C5orf34: variants seen among roughly 807,000 people sequenced by gnomAD.
C5orf34 encodes the protein chromosome 5 open reading frame 34, also known as uncharacterized protein C5orf34.
In C5orf34, 73 loss-of-function variants were observed where a neutral mutation model predicts 78.4. That is an observed-to-expected ratio of 0.93 (90% CI 0.77 to 1.13). The LOEUF is 1.13. Ranked by LOEUF, C5orf34 falls within the 50% of genes most tolerant of loss-of-function variation. The probability of loss-of-function intolerance (pLI) is 0.00; values close to 1 mark genes in which losing one functional copy is unlikely to be tolerated. For synonymous variants in C5orf34, 251 were observed against 246.6 expected (o/e 1.02, Z -0.17); for missense variants, 730 against 732.7 (o/e 1.00, Z 0.04).
At position 43,486,723 on chromosome 5, in the gene C5orf34, TTTA is replaced by T. The variant is rs1436617015; in HGVS notation, c.*189_*191del. The stretch of plus-strand genomic sequence containing the variant: ...GTGAAACGTTCAAAACTTCGAAATA[TTTA>T]TTATTAAGATATAAATACATATTTT... On this transcript the variant is annotated 3_prime_UTR_variant, in exon 13 of 13. Transcript: ENST00000306862. The T allele has an allele frequency of 3.0e-5, 10 of 337,696 alleles. 1 individual carries two copies. The highest frequency in any genetic ancestry group is 4.7e-5 in the East Asian group (1 of 21,362). 20.9% of individuals were successfully genotyped at this position (337,696 alleles called of 1,614,324 possible).
chr5:43,489,100 CT>C (rs35229643), intron 11 of C5orf34, among the ~76,000 whole-genome samples: 191 of 147,798 alleles, frequency 1.3e-3, no homozygotes, highest in African/African-American at 1.8e-3. Flanking sequence ...TGCAAAATAT[CT>C]TTTTTTTTTT....
chr5:43,496,209 G>C, intron 6 of C5orf34: 2 of 1,561,778 alleles, frequency 1.3e-6, no homozygotes, highest in African/African-American at 1.3e-5. Context: ...AGTACTTGCT[G>C]GTCTCAAATT....
At chr5:43,510,531 A>C (rs2112335580) in intron 1 of C5orf34, among the ~76,000 whole-genome samples, 1 of 152,316 alleles carries the variant, frequency 6.6e-6, no homozygotes, top group African/African-American at 2.4e-5. Flanking sequence ...GGCTCACTGC[A>C]ACCTCCCTGT....
chr5:43,492,291 A>G lies in C5orf34; in HGVS notation c.1504T>C (p.Leu502=). 1 of 1,607,256 alleles carries G rather than the reference A, an allele frequency of 6.2e-7. No homozygotes were observed. The highest frequency in any genetic ancestry group is 8.5e-7 in the Non-Finnish European group (1 of 1,176,312). ...GGAAAAGTTAACTTACACCAACCTA[A>G]GTTAAGACCTTGATTTACCTGAAGA... ...EKRQVNQGLN[L]GWCKLTFPDG... The change falls in exon 10 of 13, where the codon TTA becomes CTA. Residue 502 remains leucine (L), a synonymous_variant. Transcript: ENST00000306862.
intron 6 of C5orf34, among the ~76,000 whole-genome samples, chr5:43,501,293 A>G (rs1189854663): frequency 6.6e-6 from 1 of 152,192 alleles, no homozygotes; most frequent in Non-Finnish European, 1.5e-5. Flanking sequence ...ATATATACGT[A>G]TACATGTTAC....
chr5:43,508,598 G>A lies in C5orf34; in HGVS notation c.264C>T (p.Ile88=). 6.2e-7 allele frequency: 1 copy of A among 1,606,578 alleles called. No homozygotes were observed. The highest frequency in any genetic ancestry group is 8.5e-7 in the Non-Finnish European group (1 of 1,173,714). ...TCACCTTTTTTCTTTCAGAAGGTAT[G>A]ATGGTTTCAGATAAAAAAGGGCAAG... ...SATCPFLSET[I]IPSERKKHIF... Residue 88 remains isoleucine, a synonymous_variant, in exon 3 of 13, where the codon ATC becomes ATT. Coordinates refer to ENST00000306862, the MANE Select transcript of C5orf34 (RefSeq NM_198566.4).
chr5:43,513,090 CTT>C (rs545466937), intron 1 of C5orf34, among the ~76,000 whole-genome samples: 1 of 152,052 alleles, frequency 6.6e-6, no homozygotes, highest in African/African-American at 2.4e-5. Flanking sequence ...CCCACCTTGT[CTT>C]TTTTTAACCT....
At chr5:43,502,555 AG>A in intron 5 of C5orf34, 60 bp from the exon 6 acceptor site, 1 of 978,466 alleles carries the variant, frequency 1.0e-6, no homozygotes, top group South Asian at 1.4e-5. Flanking sequence ...ACATGCATGA[AG>A]ATAGTCATCA....
At chr5:43,500,089 T>C (rs1353010051) in intron 6 of C5orf34, among the ~76,000 whole-genome samples, 1 of 152,170 alleles carries the variant, frequency 6.6e-6, no homozygotes, top group Non-Finnish European at 1.5e-5. Context: ...AAAGCACCAC[T>C]TTTCCCACAC....
At position 43,509,310 on chromosome 5, in the gene C5orf34, A is replaced by T; in HGVS notation, c.30T>A (p.Tyr10Ter). The T allele has an allele frequency of 6.2e-7, 1 of 1,612,840 alleles. No homozygotes were observed. Among genetic ancestry groups the T allele is most frequent in the Non-Finnish European group, 8.5e-7 (1 of 1,179,438 alleles). MAAELRMIL[Y>*]EDDSVQVQYV... ...ATTGTACTTGTACTGAATCATCTTC[A>T]TAAAGTATCATTCGCAGTTCAGCTG... Residue 10 changes from tyrosine (Y) to a stop codon, truncating the protein, a stop_gained, in exon 2 of 13, where the codon TAT (tyrosine) becomes TAA (stop). Coordinates refer to ENST00000306862, the MANE Select transcript of C5orf34 (RefSeq NM_198566.4). LOFTEE classifies it high-confidence loss of function.
rs1314176840 is a variant in C5orf34 at position 43,495,809 on chromosome 5, G to T, written c.1153-1208C>A. On this transcript the variant is annotated intron_variant, in intron 6 of 12. Transcript: ENST00000306862. ...GCCGCTGGCACTGCCATCCTTACGG[G>T]TGGCTTTCCATCCCTTGAGCCAAGG... The T allele has an allele frequency of 5.1e-6, 8 of 1,569,846 alleles. No homozygotes were observed. The East Asian group carries it at 1.3e-4, about 26-fold the overall frequency.
Position 43,494,525 on chromosome 5 carries a change from A to G in C5orf34, c.1229T>C (p.Ile410Thr), listed in dbSNP as rs1373727588. Residue 410 changes from isoleucine to threonine, a missense_variant, in exon 7 of 13, where the codon ATT becomes ACT. Transcript: ENST00000306862. ...PGSPFTVGSL[I>T]KQATRILQHC... is the part of the protein sequence containing the mutation. ...AAGAACTTACCTTGTTGCCTGTTTAATTAGAGAACCGACAGTGAATGGACT... is the reference window on the plus strand; with the variant it reads ...AAGAACTTACCTTGTTGCCTGTTTAGTTAGAGAACCGACAGTGAATGGACT... The G allele has an allele frequency of 6.2e-7, 1 of 1,604,766 alleles. No homozygotes were observed. Among genetic ancestry groups the G allele is most frequent in the Non-Finnish European group, 8.5e-7 (1 of 1,173,718 alleles).
chr5:43,501,211 T>A (rs1330473929), intron 6 of C5orf34, among the ~76,000 whole-genome samples: 1 of 151,850 alleles, frequency 6.6e-6, no homozygotes, highest in Non-Finnish European at 1.5e-5. Context: ...GTCAGCAATA[T>A]GACTATGCAT....
At chr5:43,490,903 A>G (rs79565019) in intron 10 of C5orf34, among the ~76,000 whole-genome samples, 174 bp from the exon 11 acceptor site, 9,367 of 152,196 alleles carry the variant, frequency 0.062, 452 homozygotes, top group African/African-American at 0.13. Context: ...AGAAAAGCCA[A>G]ATTTTTTCCA....
At chr5:43,495,784 G>A (rs1745490988) in intron 6 of C5orf34, 1 of 1,578,784 alleles carries the variant, frequency 6.3e-7, no homozygotes, top group African/African-American at 1.3e-5. Context: ...GCAGCATGGT[G>A]CCGCTGGCAC....
At chr5:43,495,155 C>T in intron 6 of C5orf34, 1 of 1,607,930 alleles carries the variant, frequency 6.2e-7, no homozygotes, top group Non-Finnish European at 8.5e-7. Context: ...TTTGATGACA[C>T]CCACCGCAAC....
intron 6 of C5orf34, among the ~76,000 whole-genome samples, chr5:43,498,725 T>C (rs1745643636): frequency 6.6e-6 from 1 of 152,204 alleles, no homozygotes; most frequent in Non-Finnish European, 1.5e-5. Context: ...GTTTTACCTC[T>C]TCCCCACCCA....
At chr5:43,500,437 C>A (rs907138673) in intron 6 of C5orf34, among the ~76,000 whole-genome samples, 1 of 152,072 alleles carries the variant, frequency 6.6e-6, no homozygotes, top group African/African-American at 2.4e-5. Context: ...GCTCTGTCTC[C>A]TAGACTGGTG....
At chr5:43,494,696 A>G in intron 6 of C5orf34, 95 bp from the exon 7 acceptor site, 1 of 611,416 alleles carries the variant, frequency 1.6e-6, no homozygotes, top group South Asian at 2.5e-5. Context: ...TACAATAGTG[A>G]CAAGACGAGT....
Sources: gnomAD v4.1 joint callset for allele counts (sites outside exome capture counted in the v4.1 genomes callset) on GRCh38, gnomAD v4.1.1 for gene constraint, MANE v1.5 for transcripts, NCBI Gene and HGNC (gene_info 2026-07-23, HGNC 2026-07-21) for gene names.